Variants in DCHS1 observed in about 807,000 individuals in gnomAD.
DCHS1 encodes protocadherin-16.
A neutral mutation model predicts 213.9 loss-of-function variants in DCHS1; 78 were observed. The observed-to-expected ratio is 0.36, with a 90% CI of 0.30 to 0.44. DCHS1 has a LOEUF of 0.44. Ranked by LOEUF, DCHS1 falls within the 20% of genes least tolerant of loss-of-function variation. DCHS1 has a pLI of 1.00. For synonymous variants in DCHS1, 1,828 were observed against 1,873.7 expected, an observed-to-expected ratio of 0.98 and a Z score of 0.63; for missense variants, 3,946 against 4,395.9, an observed-to-expected ratio of 0.90 and a Z score of 2.89.
chr11:6,644,112 T>C (rs1027808296), intron 1 of DCHS1, among the ~76,000 whole-genome samples: 1 of 152,190 alleles, frequency 6.6e-6, no homozygotes, highest in Non-Finnish European at 1.5e-5. Context: ...TCCACCTGAC[T>C]GGAGATACCT....
rs138340204 is a variant in DCHS1 at position 6,632,354 on chromosome 11, C to A, written c.3158G>T (p.Trp1053Leu). The A allele has an allele frequency of 4.3e-6, 7 of 1,613,838 alleles. No individual in the cohort carries two copies. The highest frequency in any genetic ancestry group is 1.3e-5 in the African/African-American group (1 of 74,934). ...GTCTAGTGCTGCCCGCACCCATAGC[C>A]ACCCACTCTGTGGCTCCAGGCCAAA... ...SPFGLEPQSG[W>L]LWVRAALDRE... Residue 1053 changes from tryptophan to leucine, a missense_variant, in exon 6 of 21, where the codon TGG (tryptophan) becomes TTG (leucine). Transcript: ENST00000299441. This position sits in a 1 kb window ranked among gnomAD's most constrained non-coding sequence, Gnocchi z 5.9.
chr11:6,625,213 T>C lies in DCHS1; in HGVS notation c.7131A>G (p.Ser2377=). The change falls in exon 19 of 21, where the codon TCA becomes TCG. Residue 2377 remains serine (S), a synonymous_variant. Transcript: ENST00000299441. The surrounding 1 kb of genome is among the most constrained non-coding windows in gnomAD (Gnocchi z 5.3). Reference sequence around the variant, plus strand: ...GTGTCAATACCTGGTAGAGGCTCTGTGAGAAGGCAGGTGCATTGTCATTGA... The same window carrying C: ...GTGTCAATACCTGGTAGAGGCTCTGCGAGAAGGCAGGTGCATTGTCATTGA... ...EDVNDNAPAF[S]QSLYQVMLLE... is the part of the protein sequence containing the mutation. 3 of 1,596,954 alleles carry C rather than the reference T, an allele frequency of 1.9e-6. No homozygotes were observed. Among genetic ancestry groups the C allele is most frequent in the Non-Finnish European group, 2.6e-6 (3 of 1,170,296 alleles).
intron 1 of DCHS1, among the ~76,000 whole-genome samples, chr11:6,648,359 T>A (rs1013380116): frequency 6.6e-6 from 1 of 152,026 alleles, no homozygotes; most frequent in Non-Finnish European, 1.5e-5. Flanking sequence ...AGAAAACATT[T>A]CAAAAAAGAA....
In DCHS1 at chr11:6,634,785, A is replaced by AT. The variant is rs147056481; in HGVS notation, c.1798-480_1798-479insA. The AT allele has an allele frequency of 1.4e-3, 214 of 152,240 alleles. 2 individuals carry two copies. Among genetic ancestry groups the AT allele is most frequent in the Non-Finnish European group, 2.5e-3 (167 of 68,096 alleles). The allele number at this position is 152,240 out of a possible 1,614,324, so 9.4% of individuals were successfully genotyped here. ...TTTTTGCACTAAAAAAATGAAAAAA[A>AT]AAAGTTGCAGTAAATAGACCTGAAA... is the stretch of plus-strand genomic sequence containing the variant. On this transcript the variant is annotated intron_variant, in intron 2 of 20. Transcript: ENST00000299441.
Position 6,630,772 on chromosome 11 carries a change from G to A in DCHS1, c.4022C>T (p.Ala1341Val). ...APVPVVLTVT[A>V]AEGLRPGSLL... Reference sequence around the variant, plus strand: ...AGAGCCGGGCCGCAGTCCCTCAGCTGCTGTCACCGTCAGCACGACAGGCAC... The same window carrying A: ...AGAGCCGGGCCGCAGTCCCTCAGCTACTGTCACCGTCAGCACGACAGGCAC... Residue 1341 changes from alanine to valine, a missense_variant, in exon 10 of 21, where the codon GCA (alanine) becomes GTA (valine). This residue lies in a region of DCHS1 where 3,384 missense variants were observed against 3,780.1 expected (regional missense o/e 0.90). Transcript: ENST00000299441. The A allele has an allele frequency of 6.5e-7, 1 of 1,547,366 alleles. No individual in the cohort carries two copies. The highest frequency in any genetic ancestry group is 8.7e-7 in the Non-Finnish European group (1 of 1,147,334).
intron 1 of DCHS1, among the ~76,000 whole-genome samples, chr11:6,652,939 CCA>C (rs1258671924): frequency 6.6e-6 from 1 of 152,190 alleles, no homozygotes; most frequent in African/African-American, 2.4e-5. Context: ...GTTATACCCT[CCA>C]GAGTTTCTGC....
At chr11:6,649,776 A>G (rs1181981693) in intron 1 of DCHS1, among the ~76,000 whole-genome samples, 1 of 152,124 alleles carries the variant, frequency 6.6e-6, no homozygotes, top group Non-Finnish European at 1.5e-5. Context: ...GACCCTGACA[A>G]TCAGGGTCTA....
Position 6,626,603 on chromosome 11 carries a change from T to C in DCHS1, c.6313A>G (p.Ser2105Gly). Reference sequence around the variant, plus strand: ...CCTTTCTCATTCCCACTGAGAATGCTGTAGGTGATGGGTCCATTTGTGCCT... The same window carrying C: ...CCTTTCTCATTCCCACTGAGAATGCCGTAGGTGATGGGTCCATTTGTGCCT... ...AGGTNGPITY[S>G]ILSGNEKGTF... The change falls in exon 15 of 21, where the codon AGC becomes GGC. Residue 2105 changes from serine (S) to glycine (G), a missense_variant. Around this residue, in one of 3 missense-constraint regions of DCHS1, gnomAD observed 3,384 missense variants for 3,780.1 expected, o/e 0.90. Transcript: ENST00000299441. The surrounding 1 kb of genome is among the most constrained non-coding windows in gnomAD (Gnocchi z 5.2). The C allele has an allele frequency of 1.2e-6, 2 of 1,614,018 alleles. No individual in the cohort carries two copies. Among genetic ancestry groups the C allele is most frequent in the Non-Finnish European group, 1.7e-6 (2 of 1,179,904 alleles).
chr11:6,642,876 G>C (rs1057471235), intron 1 of DCHS1, among the ~76,000 whole-genome samples: 2 of 152,178 alleles, frequency 1.3e-5, no homozygotes, highest in Non-Finnish European at 2.9e-5. Flanking sequence ...GGGCATCCAG[G>C]AGATGACACT....
intron 1 of DCHS1, among the ~76,000 whole-genome samples, chr11:6,651,411 A>C (rs1856240713): frequency 6.6e-6 from 1 of 152,186 alleles, no homozygotes; most frequent in Non-Finnish European, 1.5e-5. Flanking sequence ...GAAATGGGGC[A>C]GGTGATGAGA....
chr11:6,624,218 G>C lies in DCHS1; in HGVS notation c.7458C>G (p.His2486Gln). The change falls in exon 21 of 21, where the codon CAC becomes CAG. Residue 2486 changes from histidine to glutamine, a missense_variant. By Grantham distance (24) the His-to-Gln change is conservative. Transcript: ENST00000299441. ...GGTCTTCAGTCACAGCCACACGGTA[G>C]TGTGACAATGTGAAGCTCGGGGCGT... is the stretch of plus-strand genomic sequence containing the variant. ...NDHAPSFTLS[H>Q]YRVAVTEDLP... 1 of 1,613,320 alleles carries C rather than the reference G, an allele frequency of 6.2e-7. No individual in the cohort carries two copies. The highest frequency in any genetic ancestry group is 8.5e-7 in the Non-Finnish European group (1 of 1,179,734).
At position 6,632,787 on chromosome 11, in the gene DCHS1, G is replaced by A. The variant is rs369956723; in HGVS notation, c.2725C>T (p.Pro909Ser). The A allele has an allele frequency of 1.2e-6, 2 of 1,613,718 alleles. No individual in the cohort carries two copies. Among genetic ancestry groups the A allele is most frequent in the African/African-American group, 2.7e-5 (2 of 74,930 alleles). Residue 909 changes from proline (P) to serine (S), a missense_variant, in exon 6 of 21, where the codon CCA (proline) becomes TCA (serine). Around this residue, in one of 3 missense-constraint regions of DCHS1, gnomAD observed 3,384 missense variants for 3,780.1 expected, o/e 0.90. Transcript: ENST00000299441. The surrounding 1 kb of genome is among the most constrained non-coding windows in gnomAD (Gnocchi z 5.9). Reference sequence around the variant, plus strand: ...CGCAGTGTATAGATGGGAGTCCCTGGGGCAGTGTTTGGTGGTAGCAATACC... The same window carrying A: ...CGCAGTGTATAGATGGGAGTCCCTGAGGCAGTGTTTGGTGGTAGCAATACC... ...DTVLLPPNTA[P>S]GTPIYTLRAL...
intron 6 of DCHS1, 52 bp downstream of exon 6, chr11:6,631,979 C>T: frequency 6.7e-7 from 1 of 1,481,946 alleles, no homozygotes; most frequent in Non-Finnish European, 8.9e-7. Context: ...TGAATGTTCA[C>T]CAGGCTGGGG....
At chr11:6,643,819 G>A (rs1856115527) in intron 1 of DCHS1, among the ~76,000 whole-genome samples, 1 of 152,144 alleles carries the variant, frequency 6.6e-6, no homozygotes, top group Non-Finnish European at 1.5e-5. Flanking sequence ...AGTATCCCCA[G>A]TCATCACCTC....
chr11:6,646,390 C>T (rs7937903), intron 1 of DCHS1, among the ~76,000 whole-genome samples: 2,514 of 152,214 alleles, frequency 0.017, 68 homozygotes, highest in African/African-American at 0.057. Context: ...GACTCTCTCC[C>T]GAGACCGTCT....
rs1484706787 is a variant in DCHS1 at position 6,627,636 on chromosome 11, G to C, written c.5403C>G (p.Asp1801Glu). 1 of 1,613,082 alleles carries C rather than the reference G, an allele frequency of 6.2e-7. No individual in the cohort carries two copies. The highest frequency in any genetic ancestry group is 1.3e-5 in the African/African-American group (1 of 74,916). The change falls in exon 14 of 21, where the codon GAC (aspartate) becomes GAG (glutamate). Residue 1801 changes from aspartate to glutamate, a missense_variant. Coordinates refer to ENST00000299441, the MANE Select transcript of DCHS1 (RefSeq NM_003737.4). This position sits in a 1 kb window ranked among gnomAD's most constrained non-coding sequence, Gnocchi z 5.4. ...TGGTGCCAAACTCTCCAGAAGCAAG[G>C]TCTAGGACAAAGGCTCCTGATGGGT... is the stretch of plus-strand genomic sequence containing the variant. ...DGDPSGAFVL[D>E]LASGEFGTMR...
In DCHS1 at chr11:6,626,061, T is replaced by C; in HGVS notation, c.6590A>G (p.Asp2197Gly). The change falls in exon 17 of 21, where the codon GAC becomes GGC. Residue 2197 changes from aspartate (D) to glycine (G), a missense_variant. Transcript: ENST00000299441. This position sits in a 1 kb window ranked among gnomAD's most constrained non-coding sequence, Gnocchi z 5.2. ...CTGTCCTCCAGAGCCTTGATCCAGGTCATCCGCCTCCACCTGGTGAGGGTA... is the reference window on the plus strand; with the variant it reads ...CTGTCCTCCAGAGCCTTGATCCAGGCCATCCGCCTCCACCTGGTGAGGGTA... ...EGPLLQVEAD[D>G]LDQGSGGQIS... 6.2e-7 allele frequency: 1 copy of C among 1,610,646 alleles called. No homozygotes were observed. The highest frequency in any genetic ancestry group is 8.5e-7 in the Non-Finnish European group (1 of 1,178,432).
chr11:6,655,644 C>T lies in DCHS1; in HGVS notation c.-202G>A, dbSNP rs904722898. ...GCCCCCCGGGCAGCGCCCGCTCGCG[C>T]GGGGCCTGAGGCCGCGCATCGTCCG... is the stretch of plus-strand genomic sequence containing the variant. On this transcript the variant is annotated 5_prime_UTR_variant, in exon 1 of 21. Transcript: ENST00000299441. 7 of 978,402 alleles carry T rather than the reference C, an allele frequency of 7.2e-6. No homozygotes were observed. The highest frequency in any genetic ancestry group is 5.3e-5 in the African/African-American group (3 of 56,550). 60.6% of individuals were successfully genotyped at this position (978,402 alleles called of 1,614,324 possible).
rs1031835048 is a variant in DCHS1 at position 6,649,958 on chromosome 11, T to G, written c.-121+5605A>C. On this transcript the variant is annotated intron_variant, in intron 1 of 20. Transcript: ENST00000299441. The stretch of plus-strand genomic sequence containing the variant: ...ATTAACTAAGTTAATAGCTGAACAC[T>G]TAATAATTTTCCTTCTGAATCCCCA... Among the ~76,000 whole-genome samples, 4 of 152,160 alleles carry G rather than the reference T, an allele frequency of 2.6e-5. No individual in the cohort carries two copies. The East Asian group carries it at 7.7e-4, about 29-fold the overall frequency.
Sources: allele counts gnomAD v4.1 joint callset (sites outside exome capture counted in the v4.1 genomes callset), GRCh38; gene constraint gnomAD v4.1.1; regional missense constraint gnomAD v4.1.1; non-coding constraint Gnocchi (gnomAD v3.1); transcripts MANE v1.5; gene names NCBI Gene and HGNC (gene_info 2026-07-23, HGNC 2026-07-21).